The following PPFIA2 variants were observed in gnomAD, a reference collection of about 807,000 sequenced individuals.
PPFIA2 encodes the protein liprin-alpha-2.
A neutral mutation model predicts 175.5 loss-of-function variants in PPFIA2; 46 were observed. That is an observed-to-expected ratio of 0.26 (90% CI 0.21 to 0.34). The LOEUF is 0.34. Ranked by LOEUF, PPFIA2 falls within the 10% of genes least tolerant of loss-of-function variation. The pLI, the probability that PPFIA2 is intolerant of heterozygous loss-of-function variation, is 1.00. For missense variants in PPFIA2, 1,179 were observed against 1,506.1 expected (o/e 0.78, Z 3.60); for synonymous variants, 568 against 511.4 (o/e 1.11, Z -1.49).
intron 27 of PPFIA2, 27 bp downstream of exon 27, chr12:81,281,230 T>C (rs766236852): frequency 1.4e-6 from 2 of 1,476,686 alleles, no homozygotes; most frequent in East Asian, 4.7e-5. Context: ...AATTATTCTT[T>C]GGGGAAAAAA....
intron 28 of PPFIA2, among the ~76,000 whole-genome samples, chr12:81,276,137 C>T (rs956328081): frequency 1.3e-5 from 2 of 152,082 alleles, no homozygotes; most frequent in African/African-American, 4.8e-5. Context: ...AAAAAAAAGC[C>T]CACGTATTAT....
intron 4 of PPFIA2, among the ~76,000 whole-genome samples, chr12:81,566,530 C>CAAAAAAA (rs3075452): frequency 3.4e-3 from 234 of 68,300 alleles, no homozygotes; most frequent in Middle Eastern, 0.012. Context: ...GACTCCAACT[C>CAAAAAAA]AAAAAAAAAA....
At chr12:81,444,252 G>A (rs1042234975) in intron 6 of PPFIA2, among the ~76,000 whole-genome samples, 2 of 152,052 alleles carry the variant, frequency 1.3e-5, no homozygotes, top group African/African-American at 4.8e-5. Flanking sequence ...CATCTGTTTT[G>A]AGTTGTTTTT....
chr12:81,282,888 C>A, intron 26 of PPFIA2, 122 bp downstream of exon 26: 1 of 739,714 alleles, frequency 1.4e-6, no homozygotes, highest in Admixed American at 2.3e-5. Context: ...TACCTATACA[C>A]ATCAGCCTAA....
chr12:81,632,095 A>C lies in PPFIA2; in HGVS notation c.303+44696T>G, dbSNP rs182497984. Among the ~76,000 whole-genome samples, 252 of 152,306 alleles carry C rather than the reference A, an allele frequency of 1.7e-3. 1 individual carries two copies. The highest frequency in any genetic ancestry group is 4.9e-3 in the African/African-American group (202 of 41,562). The stretch of plus-strand genomic sequence containing the variant: ...TATTTTTAAATATACTTCTTATCAA[A>C]ATACAACTTTAGAAAATATTCATTA... On this transcript the variant is annotated intron_variant, in intron 4 of 32. Transcript: ENST00000549396.
intron 16 of PPFIA2, among the ~76,000 whole-genome samples, chr12:81,356,115 A>C (rs2060814232): frequency 6.6e-6 from 1 of 152,102 alleles, no homozygotes. Flanking sequence ...TCACTTGAAC[A>C]CTTAAGGCTA....
At chr12:81,379,843 C>T (rs1172082843) in intron 9 of PPFIA2, among the ~76,000 whole-genome samples, 1 of 152,054 alleles carries the variant, frequency 6.6e-6, no homozygotes, top group East Asian at 1.9e-4. Flanking sequence ...TAGATTGGTG[C>T]AAAAGTAATT....
At chr12:81,284,408 C>G in intron 24 of PPFIA2, 105 bp from the exon 25 acceptor site, 1 of 807,614 alleles carries the variant, frequency 1.2e-6, no homozygotes, top group Non-Finnish European at 2.1e-6. Flanking sequence ...AGCAATACCA[C>G]AGTGCCCTTG....
chr12:81,608,706 G>C (rs1595566848), intron 4 of PPFIA2, among the ~76,000 whole-genome samples: 1 of 151,816 alleles, frequency 6.6e-6, no homozygotes, highest in Admixed American at 6.6e-5. Flanking sequence ...AATATAGCTA[G>C]TAGTATGTCA....
intron 3 of PPFIA2, among the ~76,000 whole-genome samples, chr12:81,679,920 A>C (rs2073290985): frequency 6.6e-6 from 1 of 152,008 alleles, no homozygotes; most frequent in African/African-American, 2.4e-5. Flanking sequence ...TGGACATATG[A>C]TTACTACATA....
At chr12:81,412,912 T>A (rs926868907) in intron 7 of PPFIA2, among the ~76,000 whole-genome samples, 1 of 151,914 alleles carries the variant, frequency 6.6e-6, no homozygotes, top group African/African-American at 2.4e-5. Context: ...AAGGCTTCGA[T>A]CACACATATA....
intron 7 of PPFIA2, among the ~76,000 whole-genome samples, chr12:81,437,386 A>C (rs1965099): frequency 0.37 from 56,386 of 151,874 alleles, 12,472 homozygotes; most frequent in African/African-American, 0.61. Flanking sequence ...CCCGCCACCA[A>C]GCCCAGCTAA....
At chr12:81,722,032 T>C (rs544013733) in intron 3 of PPFIA2, among the ~76,000 whole-genome samples, 149 of 151,130 alleles carry the variant, frequency 9.9e-4, no homozygotes, top group Non-Finnish European at 1.8e-3. Flanking sequence ...AGATATCTGA[T>C]TTCTAATTGT....
At chr12:81,698,344 G>C (rs943405470) in intron 3 of PPFIA2, among the ~76,000 whole-genome samples, 2 of 152,102 alleles carry the variant, frequency 1.3e-5, no homozygotes, top group Non-Finnish European at 1.5e-5. Context: ...TCTGATAAAA[G>C]TGAGTTTAGC....
chr12:81,358,055 G>T (rs762478970), intron 16 of PPFIA2, 27 bp downstream of exon 16: 6 of 1,538,278 alleles, frequency 3.9e-6, no homozygotes, highest in Non-Finnish European at 5.2e-6. Flanking sequence ...AATAAAACTA[G>T]AGAAGAGTTG....
chr12:81,744,704 G>A (rs2082814297), intron 3 of PPFIA2, among the ~76,000 whole-genome samples: 1 of 152,190 alleles, frequency 6.6e-6, no homozygotes. Context: ...GGGATTACAG[G>A]CATGGGCCAC....
intron 5 of PPFIA2, among the ~76,000 whole-genome samples, chr12:81,451,680 C>T (rs1349009397): frequency 6.6e-6 from 1 of 152,020 alleles, no homozygotes; most frequent in Non-Finnish European, 1.5e-5. Flanking sequence ...AAGGGATGAA[C>T]GATTTCACTT....
At position 81,453,922 on chromosome 12, in the gene PPFIA2, C is replaced by T. The variant is rs376257121; in HGVS notation, c.405+3843G>A. 3.0e-4 allele frequency among the ~76,000 whole-genome samples: 45 copies of T among 152,126 alleles called. 1 individual carries two copies. The highest frequency in any genetic ancestry group is 1.0e-3 in the African/African-American group (43 of 41,524). On this transcript the variant is annotated intron_variant, in intron 5 of 32. Transcript: ENST00000549396. ...CACAAAATAAAGTAGGATTGAATTACAAAAATTTAAATAGGCCAGGAGCAG... is the reference window on the plus strand; with the variant it reads ...CACAAAATAAAGTAGGATTGAATTATAAAAATTTAAATAGGCCAGGAGCAG...
chr12:81,486,275 A>G (rs557156972), intron 4 of PPFIA2, among the ~76,000 whole-genome samples: 1 of 151,948 alleles, frequency 6.6e-6, no homozygotes, highest in African/African-American at 2.4e-5. Context: ...TACATGCCTT[A>G]CTGTCTTATG....
Sources: gnomAD v4.1 joint callset for allele counts (sites outside exome capture counted in the v4.1 genomes callset) on GRCh38, gnomAD v4.1.1 for gene constraint, MANE v1.5 for transcripts, NCBI Gene and HGNC (gene_info 2026-07-23, HGNC 2026-07-21) for gene names.